ADAMTSL1: variants seen among roughly 807,000 people sequenced by gnomAD.
The protein encoded by ADAMTSL1 is ADAMTS-like protein 1.
Under a neutral mutation model 201.8 loss-of-function variants are expected in ADAMTSL1, and 126 were observed. That is an observed-to-expected ratio of 0.62 (90% CI 0.54 to 0.72). The LOEUF (loss-of-function observed/expected upper bound fraction) is 0.72. Among genes scored for constraint, ADAMTSL1 ranks in the 30% least tolerant of loss-of-function variants. The pLI is 0.00. For synonymous variants in ADAMTSL1, 1,121 were observed against 903.4 expected (o/e 1.24, Z -4.32); for missense variants, 2,679 against 2,277.8 (o/e 1.18, Z -3.59).
At chr9:18,226,833 TTAA>T (rs146551304) in intron 2 of ADAMTSL1, among the ~76,000 whole-genome samples, 26 of 152,254 alleles carry the variant, frequency 1.7e-4, no homozygotes, top group Non-Finnish European at 3.4e-4. Context: ...AAGAAAAAAA[TTAA>T]TAATAGTAAT....
intron 21 of ADAMTSL1, among the ~76,000 whole-genome samples, chr9:18,817,600 G>T (rs1375442478): frequency 6.6e-6 from 1 of 152,234 alleles, no homozygotes; most frequent in Non-Finnish European, 1.5e-5. Context: ...AGAGAACTGG[G>T]TGAGCTTTGG....
chr9:18,802,926 T>C (rs1822891397), intron 20 of ADAMTSL1, among the ~76,000 whole-genome samples: 1 of 152,218 alleles, frequency 6.6e-6, no homozygotes, highest in Non-Finnish European at 1.5e-5. Context: ...AGTACTTTAT[T>C]GTGATTTAAA....
chr9:18,669,540 A>G (rs1194147046), intron 9 of ADAMTSL1, among the ~76,000 whole-genome samples: 2 of 152,160 alleles, frequency 1.3e-5, no homozygotes, highest in East Asian at 1.9e-4. Flanking sequence ...TGCTTAGTTT[A>G]TGGTTTTTTA....
chr9:18,896,906 G>T (rs72692472), intron 26 of ADAMTSL1, among the ~76,000 whole-genome samples: 2,397 of 152,170 alleles, frequency 0.016, 60 homozygotes, highest in South Asian at 0.081. Flanking sequence ...ACTTAACATG[G>T]CACCTCAGAA....
At chr9:17,978,692 G>C (rs1395025051) in intron 1 of ADAMTSL1, among the ~76,000 whole-genome samples, 2 of 151,954 alleles carry the variant, frequency 1.3e-5, no homozygotes, top group African/African-American at 4.8e-5. Context: ...TTATATCAGA[G>C]TTAAAAATGA....
intron 23 of ADAMTSL1, among the ~76,000 whole-genome samples, chr9:18,870,473 T>G (rs1827819712): frequency 6.6e-6 from 1 of 152,204 alleles, no homozygotes; most frequent in Admixed American, 6.5e-5. Context: ...TGCTGCTCTT[T>G]TGCTGGGTCC....
intron 3 of ADAMTSL1, among the ~76,000 whole-genome samples, chr9:18,534,813 A>C (rs1819656864): frequency 6.6e-6 from 1 of 152,230 alleles, no homozygotes; most frequent in African/African-American, 2.4e-5. Context: ...CAATGGCCTG[A>C]GCTGTACCTT....
chr9:18,307,761 C>A (rs975877670), intron 2 of ADAMTSL1, among the ~76,000 whole-genome samples: 12 of 152,016 alleles, frequency 7.9e-5, no homozygotes, highest in Non-Finnish European at 1.8e-4. Context: ...CTTTAACACC[C>A]CACTGTCAAT....
At chr9:18,437,660 C>A (rs980364767) in intron 2 of ADAMTSL1, among the ~76,000 whole-genome samples, 1 of 152,040 alleles carries the variant, frequency 6.6e-6, no homozygotes, top group African/African-American at 2.4e-5. Context: ...AAGAAAGCTA[C>A]CCACAATACT....
chr9:18,431,965 A>G (rs1044692707), intron 2 of ADAMTSL1, among the ~76,000 whole-genome samples: 1 of 152,218 alleles, frequency 6.6e-6, no homozygotes, highest in Non-Finnish European at 1.5e-5. Context: ...TACAAAGTTT[A>G]TAGAAAACTG....
At chr9:18,396,218 G>T (rs1817747486) in intron 2 of ADAMTSL1, among the ~76,000 whole-genome samples, 1 of 152,184 alleles carries the variant, frequency 6.6e-6, no homozygotes, top group Non-Finnish European at 1.5e-5. Flanking sequence ...TGATAAGACA[G>T]TTGGTGGCCA....
At chr9:18,044,852 C>A (rs1031366951) in intron 1 of ADAMTSL1, among the ~76,000 whole-genome samples, 1 of 152,104 alleles carries the variant, frequency 6.6e-6, no homozygotes, top group Admixed American at 6.5e-5. Context: ...CTTTTCTCTG[C>A]GAAGTATGGC....
chr9:18,176,389 GATA>G (rs1426342218), intron 2 of ADAMTSL1, among the ~76,000 whole-genome samples: 1 of 152,104 alleles, frequency 6.6e-6, no homozygotes, highest in Non-Finnish European at 1.5e-5. Flanking sequence ...ATGCTATAGT[GATA>G]ATAACTGTAT....
intron 1 of ADAMTSL1, among the ~76,000 whole-genome samples, chr9:18,123,551 A>G (rs143205767): frequency 7.6e-4 from 116 of 152,354 alleles, no homozygotes; most frequent in Non-Finnish European, 1.4e-3. Context: ...ACTCACATAC[A>G]TAGATCACCT....
chr9:18,646,228 T>C (rs1827802789), intron 7 of ADAMTSL1, among the ~76,000 whole-genome samples: 1 of 152,052 alleles, frequency 6.6e-6, no homozygotes, highest in Admixed American at 6.6e-5. Context: ...GTGATTTTTG[T>C]ACATTGATTT....
intron 4 of ADAMTSL1, among the ~76,000 whole-genome samples, chr9:18,582,852 A>C (rs960432106): frequency 1.4e-5 from 2 of 144,864 alleles, no homozygotes; most frequent in Admixed American, 1.4e-4. Flanking sequence ...CCATCTCAAA[A>C]TAAAATAAAA....
At chr9:18,836,750 T>G (rs1317196124) in intron 23 of ADAMTSL1, among the ~76,000 whole-genome samples, 1 of 152,220 alleles carries the variant, frequency 6.6e-6, no homozygotes, top group African/African-American at 2.4e-5. Flanking sequence ...CTTTTCCATT[T>G]ATGGATGTCA....
At chr9:18,306,187 G>C (rs1202048470) in intron 2 of ADAMTSL1, among the ~76,000 whole-genome samples, 1 of 152,110 alleles carries the variant, frequency 6.6e-6, no homozygotes, top group Non-Finnish European at 1.5e-5. Context: ...CACATCCGAA[G>C]ATCACCAACA....
chr9:18,320,117 C>G (rs369170559), intron 2 of ADAMTSL1, among the ~76,000 whole-genome samples: 2 of 152,208 alleles, frequency 1.3e-5, no homozygotes, highest in East Asian at 3.9e-4. Context: ...TGATTTTTGC[C>G]AAGAGTCTGG....
Sources: allele counts gnomAD v4.1 joint callset (sites outside exome capture counted in the v4.1 genomes callset), GRCh38; gene constraint gnomAD v4.1.1; transcripts MANE v1.5; gene names NCBI Gene and HGNC (gene_info 2026-07-23, HGNC 2026-07-21).